The following HS6ST3 variants were observed in gnomAD, a reference collection of about 807,000 sequenced individuals.
HS6ST3 encodes heparan-sulfate 6-O-sulfotransferase 3.
A neutral mutation model predicts 36.7 loss-of-function variants in HS6ST3; 12 were observed. That is an observed-to-expected ratio of 0.33 (90% CI 0.21 to 0.53). The LOEUF is 0.53. HS6ST3 is among the 20% of genes least tolerant of loss of function. The probability of loss-of-function intolerance (pLI) is 0.95; values close to 1 mark genes in which losing one functional copy is unlikely to be tolerated. For synonymous variants in HS6ST3, 240 were observed against 257.5 expected (o/e 0.93, Z 0.65); for missense variants, 584 against 640.9 (o/e 0.91, Z 0.96).
chr13:96,574,254 G>A, intron 1 of HS6ST3: 4 of 427,716 alleles, frequency 9.4e-6, no homozygotes, highest in South Asian at 7.7e-5. Flanking sequence ...TGGGAGATAG[G>A]GGTCCATGGG....
chr13:96,363,834 T>C (rs971362724), intron 1 of HS6ST3, among the ~76,000 whole-genome samples: 2 of 152,148 alleles, frequency 1.3e-5, no homozygotes, highest in African/African-American at 4.8e-5. Flanking sequence ...TTCAGCAAGT[T>C]TCAGGGCTCT....
chr13:96,120,667 T>C (rs2053920986), intron 1 of HS6ST3, among the ~76,000 whole-genome samples: 1 of 152,214 alleles, frequency 6.6e-6, no homozygotes, highest in Non-Finnish European at 1.5e-5. Flanking sequence ...GAACAATGTA[T>C]TTTACTTGGT....
chr13:96,698,067 T>G (rs1875180998), intron 1 of HS6ST3, among the ~76,000 whole-genome samples: 1 of 152,186 alleles, frequency 6.6e-6, no homozygotes, highest in Non-Finnish European at 1.5e-5. Flanking sequence ...TTATAGTTTT[T>G]AAGTTTTAGG....
chr13:96,445,743 C>T (rs1390244845), intron 1 of HS6ST3, among the ~76,000 whole-genome samples: 2 of 151,998 alleles, frequency 1.3e-5, no homozygotes, highest in Middle Eastern at 3.4e-3. Flanking sequence ...TGGTATGTGC[C>T]TGTCATTCCA....
intron 1 of HS6ST3, among the ~76,000 whole-genome samples, chr13:96,770,874 C>T (rs1877246482): frequency 1.3e-5 from 2 of 152,144 alleles, no homozygotes; most frequent in African/African-American, 4.8e-5. Flanking sequence ...GAGGCTGTCA[C>T]CGTTGTAAGG....
chr13:96,639,077 G>T (rs955924557), intron 1 of HS6ST3, among the ~76,000 whole-genome samples: 1 of 151,882 alleles, frequency 6.6e-6, no homozygotes, highest in Non-Finnish European at 1.5e-5. Context: ...AGGTCCAGTT[G>T]GTTTGTAGAG....
At chr13:96,214,636 C>T (rs1594719033) in intron 1 of HS6ST3, among the ~76,000 whole-genome samples, 2 of 152,108 alleles carry the variant, frequency 1.3e-5, no homozygotes, top group African/African-American at 4.8e-5. Context: ...ATGTGCCTTA[C>T]TGAGGGCCCA....
intron 1 of HS6ST3, among the ~76,000 whole-genome samples, chr13:96,327,091 A>G (rs1219145595): frequency 6.9e-6 from 1 of 143,890 alleles, no homozygotes; most frequent in Non-Finnish European, 1.5e-5. Context: ...CCTTTGTCAG[A>G]TGAGTAGGTT....
chr13:96,201,452 A>G (rs115564307), intron 1 of HS6ST3, among the ~76,000 whole-genome samples: 2,350 of 152,234 alleles, frequency 0.015, 62 homozygotes, highest in African/African-American at 0.054. Context: ...TTGATATCGA[A>G]AGTAAAAATT....
rs1456155454 is a variant in HS6ST3 at position 96,837,654 on chromosome 13, C to T, written c.*4456C>T. The T allele has an allele frequency of 6.6e-6, 1 of 152,086 alleles. No individual in the cohort carries two copies. Among genetic ancestry groups the T allele is most frequent in the Non-Finnish European group, 1.5e-5 (1 of 68,032 alleles). The allele number at this position is 152,086 out of a possible 1,614,324, so 9.4% of individuals were successfully genotyped here. Reference sequence around the variant, plus strand: ...CTCCCTACCTCCAGTGAGGGGGCCTCTTATTAGGAATGAAATATCCAAGAG... The same window carrying T: ...CTCCCTACCTCCAGTGAGGGGGCCTTTTATTAGGAATGAAATATCCAAGAG... On this transcript the variant is annotated 3_prime_UTR_variant, in exon 2 of 2. Transcript: ENST00000376705.
Position 96,470,721 on chromosome 13 carries a change from A to G in HS6ST3, c.708-361769A>G, listed in dbSNP as rs893868227. Among the ~76,000 whole-genome samples the G allele has an allele frequency of 5.5e-4, 84 of 152,026 alleles. 4 individuals are homozygous for G. The highest frequency in any genetic ancestry group is 5.0e-3 in the Admixed American group (77 of 15,250). On this transcript the variant is annotated intron_variant, in intron 1 of 1. Coordinates refer to ENST00000376705, the MANE Select transcript of HS6ST3 (RefSeq NM_153456.4). ...CCTCTGTCCTCACCACTCCACTAAA[A>G]TTTCTCTCAATATTGGCCATTGCCC...
intron 1 of HS6ST3, among the ~76,000 whole-genome samples, chr13:96,126,230 G>C (rs535054617): frequency 2.0e-5 from 3 of 152,056 alleles, no homozygotes; most frequent in Non-Finnish European, 4.4e-5. Context: ...TTCCAACCTA[G>C]TAGGGGCCAT....
rs754838881 is a variant in HS6ST3, at chr13:96,656,955, TTGTGTGTGTG to T, written c.708-175500_708-175491del. Among the ~76,000 whole-genome samples, 180 of 122,292 alleles carry T rather than the reference TTGTGTGTGTG, an allele frequency of 1.5e-3. 1 individual carries two copies. The highest frequency in any genetic ancestry group is 1.7e-3 in the Non-Finnish European group (105 of 60,298). 80.2% of individuals were successfully genotyped at this position (122,292 alleles called of 152,430 possible). On this transcript the variant is annotated intron_variant, in intron 1 of 1. Transcript: ENST00000376705. ...CAGATGGATTACTCTGGCTTTTCTT[TTGTGTGTGTG>T]TGTGTGTGTGTGTGTGTGTGTGTGT... is the stretch of plus-strand genomic sequence containing the variant.
At chr13:96,459,538 G>A (rs7331050) in intron 1 of HS6ST3, among the ~76,000 whole-genome samples, 30,771 of 152,044 alleles carry the variant, frequency 0.2, 3,366 homozygotes, top group African/African-American at 0.29. Flanking sequence ...TTCTGCTATC[G>A]GGGTAGGCAC....
intron 1 of HS6ST3, among the ~76,000 whole-genome samples, chr13:96,124,574 C>T (rs138519981): frequency 0.014 from 2,164 of 152,144 alleles, 28 homozygotes; most frequent in South Asian, 0.052. Flanking sequence ...GTAACAGCAG[C>T]GAGGATGGAT....
At chr13:96,103,917 C>A (rs193154596) in intron 1 of HS6ST3, among the ~76,000 whole-genome samples, 1 of 150,424 alleles carries the variant, frequency 6.6e-6, no homozygotes, top group Admixed American at 6.6e-5. Context: ...AACCTTTTTT[C>A]CTCCTAGGGA....
intron 1 of HS6ST3, among the ~76,000 whole-genome samples, chr13:96,461,775 C>T (rs2055785486): frequency 6.6e-6 from 1 of 152,136 alleles, no homozygotes; most frequent in Admixed American, 6.5e-5. Context: ...AATCTATACT[C>T]CCTCTGAAAA....
intron 1 of HS6ST3, among the ~76,000 whole-genome samples, chr13:96,576,262 C>A (rs1339967935): frequency 6.7e-6 from 1 of 149,418 alleles, no homozygotes; most frequent in South Asian, 2.1e-4. Flanking sequence ...CAGGCCACAG[C>A]CCCCTCACTG....
At chr13:96,443,386 C>T (rs1019711055) in intron 1 of HS6ST3, among the ~76,000 whole-genome samples, 18 of 151,702 alleles carry the variant, frequency 1.2e-4, no homozygotes, top group African/African-American at 4.4e-4. Flanking sequence ...AAAAATTAGC[C>T]GGGCATGGTG....
Sources: allele counts gnomAD v4.1 joint callset (sites outside exome capture counted in the v4.1 genomes callset), GRCh38; gene constraint gnomAD v4.1.1; transcripts MANE v1.5; gene names NCBI Gene and HGNC (gene_info 2026-07-23, HGNC 2026-07-21).